The following PCDH11X variants were observed in gnomAD, a reference collection of about 807,000 sequenced individuals.
PCDH11X encodes protocadherin-11 X-linked.
A neutral mutation model predicts 53.3 loss-of-function variants in PCDH11X; 18 were observed. The observed-to-expected ratio is 0.34, with a 90% CI of 0.23 to 0.50. The LOEUF is 0.50. Ranked by LOEUF, PCDH11X falls within the 20% of genes least tolerant of loss-of-function variation. PCDH11X has a pLI of 0.98. For missense variants in PCDH11X, 570 were observed against 1,032.4 expected (o/e 0.55, Z 6.14); for synonymous variants, 279 against 393.3 (o/e 0.71, Z 3.44).
At chrX:92,481,097 G>T (rs1342830886) in intron 10 of PCDH11X, among the ~76,000 whole-genome samples, 1 of 110,888 alleles carries the variant, frequency 9.0e-6, no homozygotes, top group Non-Finnish European at 1.9e-5. Flanking sequence ...CCCACTCAGG[G>T]AATGTGAGGG....
intron 6 of PCDH11X, among the ~76,000 whole-genome samples, chrX:92,015,872 G>A (rs1376939884): frequency 9.0e-6 from 1 of 111,639 alleles, no homozygotes; most frequent in Non-Finnish European, 1.9e-5. Context: ...ATCTTTTTCA[G>A]AACCATTTCC....
At chrX:91,900,347 G>C (rs1042989604) in intron 6 of PCDH11X, among the ~76,000 whole-genome samples, 3 of 110,780 alleles carry the variant, frequency 2.7e-5, no homozygotes, top group Non-Finnish European at 5.7e-5. Context: ...CCAGCAGAAC[G>C]TAATGTCATG....
intron 6 of PCDH11X, among the ~76,000 whole-genome samples, chrX:91,945,048 C>CAT (rs754168068): frequency 0.034 from 2,153 of 63,129 alleles, 172 homozygotes; most frequent in African/African-American, 0.046. Context: ...ACATCATATA[C>CAT]ATATATATAT....
intron 8 of PCDH11X, among the ~76,000 whole-genome samples, chrX:92,281,160 T>G (rs2148444736): frequency 9.0e-6 from 1 of 111,641 alleles, no homozygotes; most frequent in East Asian, 2.8e-4. Flanking sequence ...ATCCTGCTAC[T>G]TATCTCCACA....
rs1424041048 is a variant in PCDH11X at position 92,401,915 on chromosome X, A to T, written c.3343+13982A>T. Among the ~76,000 whole-genome samples, 48 of 112,162 alleles carry T rather than the reference A, an allele frequency of 4.3e-4. 1 individual carries two copies. Among genetic ancestry groups the T allele is most frequent in the African/African-American group, 1.5e-3 (46 of 30,902 alleles). Reference sequence around the variant, plus strand: ...CAAATGTAAAAATGGCTTTAAAGAGATATAATCATTTTTGTGAAAAAGTAA... The same window carrying T: ...CAAATGTAAAAATGGCTTTAAAGAGTTATAATCATTTTTGTGAAAAAGTAA... On this transcript the variant is annotated intron_variant, in intron 9 of 10. Coordinates refer to ENST00000682573, the MANE Select transcript of PCDH11X (RefSeq NM_032968.5).
intron 6 of PCDH11X, among the ~76,000 whole-genome samples, chrX:91,999,816 T>C (rs1320542069): frequency 9.0e-6 from 1 of 111,296 alleles, no homozygotes; most frequent in African/African-American, 3.3e-5. Context: ...TTGTTTCTTC[T>C]TTATCCCTAC....
At chrX:92,462,551 T>C (rs1235568366) in intron 9 of PCDH11X, among the ~76,000 whole-genome samples, 1 of 110,336 alleles carries the variant, frequency 9.1e-6, no homozygotes, top group Non-Finnish European at 1.9e-5. Context: ...TTAGAAATAC[T>C]GATTTCTTAG....
chrX:91,822,039 G>C (rs1166233925), intron 4 of PCDH11X, among the ~76,000 whole-genome samples: 1 of 106,825 alleles, frequency 9.4e-6, no homozygotes, highest in Admixed American at 9.8e-5. Flanking sequence ...TGATCATGGT[G>C]GATAAGCTTT....
chrX:92,488,049 C>T (rs2073682444), intron 10 of PCDH11X, among the ~76,000 whole-genome samples: 1 of 112,379 alleles, frequency 8.9e-6, no homozygotes, highest in African/African-American at 3.2e-5. Context: ...CATCCTCCTG[C>T]CTCAGCCTTC....
chrX:91,952,903 T>G (rs2061659152), intron 6 of PCDH11X, among the ~76,000 whole-genome samples: 1 of 111,570 alleles, frequency 9.0e-6, no homozygotes, highest in Admixed American at 9.5e-5. Context: ...TGGATGGAAC[T>G]GTGGAACTGG....
At chrX:92,232,967 G>A (rs1014138650) in intron 7 of PCDH11X, among the ~76,000 whole-genome samples, 3 of 111,171 alleles carry the variant, frequency 2.7e-5, no homozygotes, top group South Asian at 3.8e-4. Context: ...CGCCCACCGC[G>A]GCCTCCCAAA....
intron 6 of PCDH11X, among the ~76,000 whole-genome samples, chrX:92,016,589 T>G (rs1602685989): frequency 2.9e-5 from 1 of 34,334 alleles, no homozygotes; most frequent in Non-Finnish European, 5.1e-5. Context: ...GCTAACTTCA[T>G]TTTTTTTTTT....
At chrX:92,603,958 T>C in intron 10 of PCDH11X, among the ~76,000 whole-genome samples, 1 of 107,060 alleles carries the variant, frequency 9.3e-6, no homozygotes, top group African/African-American at 3.4e-5. Flanking sequence ...TGCATCTATA[T>C]ATAAACAATT....
intron 7 of PCDH11X, 33 bp downstream of exon 7, chrX:92,201,488 C>A (rs755191189): frequency 1.1e-6 from 1 of 941,169 alleles, no homozygotes; most frequent in Non-Finnish European, 1.5e-6. Flanking sequence ...TTTCCTCCCC[C>A]TTCCTTTTAA....
At position 92,203,121 on chromosome X, in the gene PCDH11X, A is replaced by G. The variant is rs753963475; in HGVS notation, c.3114+1666A>G. Reference sequence around the variant, plus strand: ...TGTTGTTAATAAAGTCCTAAATCTGACTCCTCTGGTATCAAATTAATATCC... The same window carrying G: ...TGTTGTTAATAAAGTCCTAAATCTGGCTCCTCTGGTATCAAATTAATATCC... On this transcript the variant is annotated intron_variant, in intron 7 of 10. Transcript: ENST00000682573. Among the ~76,000 whole-genome samples the G allele has an allele frequency of 1.1e-3, 122 of 111,510 alleles. 2 individuals carry two copies. The highest frequency in any genetic ancestry group is 4.3e-4 in the Non-Finnish European group (23 of 53,093).
chrX:92,432,535 A>G (rs1170231501), intron 9 of PCDH11X, among the ~76,000 whole-genome samples: 1 of 110,006 alleles, frequency 9.1e-6, no homozygotes, highest in East Asian at 2.9e-4. Flanking sequence ...CATGGTAGGT[A>G]GTTCAGTGTT....
At chrX:92,206,837 CTGTTTT>C (rs1406050813) in intron 7 of PCDH11X, among the ~76,000 whole-genome samples, 2 of 111,041 alleles carry the variant, frequency 1.8e-5, no homozygotes, top group African/African-American at 6.5e-5. Context: ...GTTTTTGTTT[CTGTTTT>C]TGTTTTAATT....
At position 91,877,574 on chromosome X, in the gene PCDH11X, C is replaced by T; in HGVS notation, c.1334C>T (p.Pro445Leu). 1 of 1,210,548 alleles carries T rather than the reference C, an allele frequency of 8.3e-7. No homozygotes were observed. Reference protein sequence around the residue: ...KLLAADAGKPPLNQSAMLFIK... With the variant: ...KLLAADAGKPLLNQSAMLFIK... Reference sequence around the variant, plus strand: ...CTGGCTGCAGATGCTGGCAAACCTCCTTTGAATCAGTCAGCAATGCTCTTC... The same window carrying T: ...CTGGCTGCAGATGCTGGCAAACCTCTTTTGAATCAGTCAGCAATGCTCTTC... Residue 445 changes from proline (P) to leucine (L), a missense_variant, in exon 6 of 11, where the codon CCT becomes CTT. Around this residue, in one of 6 missense-constraint regions of PCDH11X, gnomAD observed 226 missense variants for 457.5 expected, o/e 0.49. Transcript: ENST00000682573.
chrX:92,278,957 G>A (rs138954714), intron 8 of PCDH11X, among the ~76,000 whole-genome samples: 9,688 of 109,077 alleles, frequency 0.089, 641 homozygotes, highest in East Asian at 0.24. Context: ...GATTACAGGC[G>A]TGTGCCACCA....
Sources: gnomAD v4.1 joint callset for allele counts (sites outside exome capture counted in the v4.1 genomes callset) on GRCh38, gnomAD v4.1.1 for gene constraint, gnomAD v4.1.1 regional missense constraint, MANE v1.5 for transcripts, NCBI Gene and HGNC (gene_info 2026-07-23, HGNC 2026-07-21) for gene names.